Variants in EGLN1 observed in about 807,000 individuals in gnomAD.
The protein encoded by EGLN1 is egl nine homolog 1.
A neutral mutation model predicts 38.3 loss-of-function variants in EGLN1; 17 were observed. That is an observed-to-expected ratio of 0.44 (90% CI 0.30 to 0.67). EGLN1 has a LOEUF of 0.67. EGLN1 is among the 30% of genes least tolerant of loss of function. The pLI is 0.08. For missense variants in EGLN1, 477 were observed against 603.3 expected (o/e 0.79, Z 2.19); for synonymous variants, 283 against 257.5 (o/e 1.10, Z -0.95).
intron 3 of EGLN1, among the ~76,000 whole-genome samples, chr1:231,368,019 T>TA (rs575654233): frequency 1.2e-3 from 180 of 150,468 alleles, no homozygotes; most frequent in Non-Finnish European, 2.0e-3. Context: ...CCATCTCTAC[T>TA]AAAAAAAAGA....
At chr1:231,375,064 TTTTG>T (rs1687924868) in intron 1 of EGLN1, among the ~76,000 whole-genome samples, 2 of 152,074 alleles carry the variant, frequency 1.3e-5, no homozygotes, top group Admixed American at 6.5e-5. Context: ...CTATTCTTGT[TTTTG>T]TTTGTTTTTT....
At position 231,421,199 on chromosome 1, in the gene EGLN1, G is replaced by A. The variant is rs1443868588; in HGVS notation, c.690C>T (p.His230=). 1 of 1,614,052 alleles carries A rather than the reference G, an allele frequency of 6.2e-7. No individual in the cohort carries two copies. The highest frequency in any genetic ancestry group is 1.1e-5 in the South Asian group (1 of 91,084). The change falls in exon 1 of 5, where the codon CAC becomes CAT. Residue 230 remains histidine (H), a synonymous_variant. Transcript: ENST00000366641. The surrounding 1 kb of genome is among the most constrained non-coding windows in gnomAD (Gnocchi z 5.5). ...GCCCGTCCGTGAACTTCCCGGTGTC[G>A]TGCAGGGCGCGCACCTCGTCGCCGA... ...QQIGDEVRAL[H]DTGKFTDGQL... is the part of the protein sequence containing the mutation.
chr1:231,409,241 T>TAAAA (rs68152109), intron 1 of EGLN1, among the ~76,000 whole-genome samples: 1 of 120,740 alleles, frequency 8.3e-6, no homozygotes, highest in Non-Finnish European at 1.8e-5. Flanking sequence ...CCTAATTTCT[T>TAAAA]AAAAAAAAAA....
rs747472895 is a variant in EGLN1, at chr1:231,412,011, C to CA, written c.891+8986dup. On this transcript the variant is annotated intron_variant, in intron 1 of 4. Transcript: ENST00000366641. ...TGGGTGACAGAGTGAGACTCCATCT[C>CA]AAAAAAAAAAAAAAAAAAAAAAAAA... Among the ~76,000 whole-genome samples the CA allele has an allele frequency of 7.0e-3, 237 of 33,668 alleles. 66 individuals are homozygous for CA. Among genetic ancestry groups the CA allele is most frequent in the South Asian group, 9.9e-3 (4 of 404 alleles). The allele number at this position is 33,668 out of a possible 152,430, so 22.1% of individuals were successfully genotyped here. A position where few individuals can be genotyped will look rare whatever the true frequency, so the allele number is the denominator to read the frequency against.
chr1:231,418,447 G>A (rs1165255693), intron 1 of EGLN1, among the ~76,000 whole-genome samples: 1 of 152,204 alleles, frequency 6.6e-6, no homozygotes, highest in Non-Finnish European at 1.5e-5. Context: ...GCATGGGTTT[G>A]ATATCTGAAT....
chr1:231,391,906 T>A (rs1036189565), intron 1 of EGLN1, among the ~76,000 whole-genome samples: 1 of 152,166 alleles, frequency 6.6e-6, no homozygotes, highest in East Asian at 1.9e-4. Flanking sequence ...GAATTTTACA[T>A]ATTCAAGTAT....
chr1:231,419,684 T>C (rs138712621), intron 1 of EGLN1, among the ~76,000 whole-genome samples: 22 of 152,334 alleles, frequency 1.4e-4, no homozygotes, highest in African/African-American at 5.3e-4. Flanking sequence ...TTTTTAAGAC[T>C]ACAAGAAATT....
intron 1 of EGLN1, among the ~76,000 whole-genome samples, chr1:231,398,335 C>CT (rs35452787): frequency 0.54 from 81,551 of 151,750 alleles, 23,567 homozygotes; most frequent in Non-Finnish European, 0.65. Flanking sequence ...ACATCTTTTT[C>CT]TTTTTTTTAA....
chr1:231,405,872 C>A (rs895341546), intron 1 of EGLN1, among the ~76,000 whole-genome samples: 1 of 152,038 alleles, frequency 6.6e-6, no homozygotes, highest in East Asian at 1.9e-4. Context: ...ATACTTTCTA[C>A]CAAAACTATC....
intron 1 of EGLN1, among the ~76,000 whole-genome samples, chr1:231,416,587 A>T (rs1476518661): frequency 6.6e-6 from 1 of 151,752 alleles, no homozygotes; most frequent in Non-Finnish European, 1.5e-5. Context: ...GCCAGTCTTG[A>T]ACTCCTGGGC....
Position 231,421,708 on chromosome 1 carries a change from T to C in EGLN1, c.181A>G (p.Ser61Gly). 6.6e-7 allele frequency: 1 copy of C among 1,519,944 alleles called. No homozygotes were observed. Among genetic ancestry groups the C allele is most frequent in the Non-Finnish European group, 8.8e-7 (1 of 1,140,374 alleles). The allele number at this position is 1,519,944 out of a possible 1,614,324, so 94.2% of individuals were successfully genotyped here. Residue 61 changes from serine (S) to glycine (G), a missense_variant, in exon 1 of 5, where the codon AGC (serine) becomes GGC (glycine). Ser to Gly is a moderately conservative substitution (Grantham distance 56, BLOSUM62 0). This residue lies in a region of EGLN1 where 298 missense variants were observed against 288.9 expected (regional missense o/e 1.03). Transcript: ENST00000366641. This position sits in a 1 kb window ranked among gnomAD's most constrained non-coding sequence, Gnocchi z 5.5. ...WKKHKLVCQG[S>G]EGALGHGVGP... ...ACTCCGTGGCCGAGGGCGCCCTCGCTGCCCTGGCACACGAGCTTGTGCTTC... is the reference window on the plus strand; with the variant it reads ...ACTCCGTGGCCGAGGGCGCCCTCGCCGCCCTGGCACACGAGCTTGTGCTTC...
intron 1 of EGLN1, among the ~76,000 whole-genome samples, chr1:231,419,549 T>C (rs1538664): frequency 0.5 from 76,481 of 152,058 alleles, 21,144 homozygotes; most frequent in African/African-American, 0.75. Context: ...GATGTGACAA[T>C]TTCTTAAAGT....
chr1:231,397,889 A>G (rs1688570780), intron 1 of EGLN1, among the ~76,000 whole-genome samples: 1 of 152,340 alleles, frequency 6.6e-6, no homozygotes, highest in East Asian at 1.9e-4. Flanking sequence ...GATAAGACAG[A>G]TGAAATGGAA....
At chr1:231,397,105 C>T (rs569344684) in intron 1 of EGLN1, among the ~76,000 whole-genome samples, 24 of 152,306 alleles carry the variant, frequency 1.6e-4, no homozygotes, top group African/African-American at 5.3e-4. Flanking sequence ...CACTGCCCTC[C>T]TCTAAATCCT....
chr1:231,386,281 T>C (rs1050301335), intron 1 of EGLN1, among the ~76,000 whole-genome samples: 2 of 152,224 alleles, frequency 1.3e-5, no homozygotes, highest in South Asian at 2.1e-4. Flanking sequence ...CAAATAATTA[T>C]CTCATTTCAA....
intron 1 of EGLN1, among the ~76,000 whole-genome samples, chr1:231,381,322 A>G (rs1474867093): frequency 6.6e-6 from 1 of 152,200 alleles, no homozygotes; most frequent in Admixed American, 6.5e-5. Flanking sequence ...AGTTTTTATT[A>G]TCGGTACAGG....
intron 1 of EGLN1, among the ~76,000 whole-genome samples, chr1:231,377,787 TGAG>T (rs1687995792): frequency 6.6e-6 from 1 of 152,166 alleles, no homozygotes; most frequent in Non-Finnish European, 1.5e-5. Flanking sequence ...TGAAGTGATA[TGAG>T]AAGAGGCCAA....
intron 1 of EGLN1, among the ~76,000 whole-genome samples, chr1:231,403,392 T>C (rs932465107): frequency 1.3e-5 from 2 of 152,164 alleles, no homozygotes; most frequent in Admixed American, 6.5e-5. Flanking sequence ...TTTTGCTTCA[T>C]CTACTTTGGA....
intron 1 of EGLN1, among the ~76,000 whole-genome samples, chr1:231,398,354 G>T (rs1258060592): frequency 6.6e-6 from 1 of 152,084 alleles, no homozygotes; most frequent in African/African-American, 2.4e-5. Context: ...AAAGAGATGG[G>T]GGTCACATTA....
Sources: allele counts gnomAD v4.1 joint callset (sites outside exome capture counted in the v4.1 genomes callset), GRCh38; gene constraint gnomAD v4.1.1; regional missense constraint gnomAD v4.1.1; non-coding constraint Gnocchi (gnomAD v3.1); transcripts MANE v1.5; gene names NCBI Gene and HGNC (gene_info 2026-07-23, HGNC 2026-07-21).